Variants in CTNNA2 observed in about 807,000 individuals in gnomAD.
CTNNA2 encodes the protein catenin alpha-2.
Under a neutral mutation model 101.0 loss-of-function variants are expected in CTNNA2, and 42 were observed. The observed-to-expected ratio is 0.42, with a 90% CI of 0.32 to 0.54. The LOEUF (loss-of-function observed/expected upper bound fraction) is 0.54. Among genes scored for constraint, CTNNA2 ranks in the 20% least tolerant of loss-of-function variants. The pLI is 0.14. For missense variants in CTNNA2, 871 were observed against 1,223.1 expected, an observed-to-expected ratio of 0.71 and a Z score of 4.29; for synonymous variants, 450 against 456.4, an observed-to-expected ratio of 0.99 and a Z score of 0.18.
chr2:79,680,010 A>C (rs574877062), intron 2 of CTNNA2, among the ~76,000 whole-genome samples: 1 of 152,234 alleles, frequency 6.6e-6, no homozygotes, highest in East Asian at 1.9e-4. Context: ...GTTTTGCAAC[A>C]AATCGGGAAA....
rs184168683 is a variant in CTNNA2, at chr2:80,228,510, G to A, written c.1057-164701G>A. On this transcript the variant is annotated intron_variant, in intron 7 of 18. Transcript: ENST00000402739. ...TCAACATATGAATCTGATGATGGGG[G>A]TGAGCACAAATATTCAGGCCATAGC... Among the ~76,000 whole-genome samples, 11 of 152,268 alleles carry A rather than the reference G, an allele frequency of 7.2e-5. No homozygotes were observed. The East Asian group carries it at 1.5e-3, about 21-fold the overall frequency.
chr2:79,856,177 A>C lies in CTNNA2; in HGVS notation c.299-1836A>C, dbSNP rs746744136. 1.2e-4 allele frequency among the ~76,000 whole-genome samples: 18 copies of C among 152,240 alleles called. 1 individual carries two copies. The highest frequency in any genetic ancestry group is 2.0e-4 in the Admixed American group (3 of 15,284). ...AAAAGGCTAAGCTGGTTAGCAATAT[A>C]AAATGCTTATTGTAGATGGTAGCCT... On this transcript the variant is annotated intron_variant, in intron 3 of 18. Transcript: ENST00000402739.
intron 2 of CTNNA2, among the ~76,000 whole-genome samples, chr2:79,689,274 C>T (rs1418104349): frequency 6.6e-6 from 1 of 151,876 alleles, no homozygotes; most frequent in African/African-American, 2.4e-5. Context: ...GTCACAGATC[C>T]TGAGCATACA....
At chr2:79,577,093 C>T (rs1675846873) in intron 1 of CTNNA2, among the ~76,000 whole-genome samples, 1 of 151,936 alleles carries the variant, frequency 6.6e-6, no homozygotes, top group Non-Finnish European at 1.5e-5. Context: ...ATGTGAGAAC[C>T]ATAGTTCACT....
chr2:79,781,078 C>T (rs35200654), intron 3 of CTNNA2, among the ~76,000 whole-genome samples: 9,726 of 152,188 alleles, frequency 0.064, 548 homozygotes, highest in South Asian at 0.19. Context: ...AATAAAAGAA[C>T]AGCTACTCCA....
At chr2:80,280,522 A>T (rs547640225) in intron 7 of CTNNA2, among the ~76,000 whole-genome samples, 112 of 151,698 alleles carry the variant, frequency 7.4e-4, no homozygotes, top group Middle Eastern at 3.5e-3. Context: ...CTAACCTTGG[A>T]CCTCATACAA....
chr2:79,285,266 T>C (rs1307362726), intron 2 of CTNNA2, among the ~76,000 whole-genome samples: 1 of 150,696 alleles, frequency 6.6e-6, no homozygotes, highest in African/African-American at 2.4e-5. Flanking sequence ...AGTTCTGCTC[T>C]GATTTTAGTT....
intron 1 of CTNNA2, among the ~76,000 whole-genome samples, chr2:79,589,353 A>G (rs1030123989): frequency 6.6e-6 from 1 of 152,212 alleles, no homozygotes; most frequent in Non-Finnish European, 1.5e-5. Context: ...TTTCTATCGT[A>G]AAAGAAATAA....
At chr2:80,193,284 G>T (rs1420794193) in intron 7 of CTNNA2, among the ~76,000 whole-genome samples, 2 of 152,110 alleles carry the variant, frequency 1.3e-5, no homozygotes, top group Non-Finnish European at 2.9e-5. Context: ...CAAGTGTTTG[G>T]TGTGATTCAT....
At chr2:79,958,723 A>AT (rs1184990727) in intron 7 of CTNNA2, among the ~76,000 whole-genome samples, 3 of 151,960 alleles carry the variant, frequency 2.0e-5, no homozygotes, top group Admixed American at 1.3e-4. Flanking sequence ...ACTTGTGGTA[A>AT]TTTTTTTTAG....
chr2:79,724,680 T>C (rs551111771), intron 2 of CTNNA2, among the ~76,000 whole-genome samples: 148 of 151,512 alleles, frequency 9.8e-4, no homozygotes, highest in African/African-American at 3.5e-3. Context: ...CTGGGTGTGG[T>C]CGTGGGCGCC....
chr2:80,143,621 G>A (rs1311790263), intron 7 of CTNNA2, among the ~76,000 whole-genome samples: 1 of 152,038 alleles, frequency 6.6e-6, no homozygotes, highest in Non-Finnish European at 1.5e-5. Flanking sequence ...ATTTGGAGTA[G>A]AAGATAGATT....
chr2:80,415,942 A>G (rs1366537692), intron 8 of CTNNA2, among the ~76,000 whole-genome samples: 1 of 152,194 alleles, frequency 6.6e-6, no homozygotes, highest in African/African-American at 2.4e-5. Flanking sequence ...CAGACAGAGA[A>G]AGACAAATAC....
At chr2:80,544,590 G>A (rs1312804212) in intron 9 of CTNNA2, among the ~76,000 whole-genome samples, 1 of 152,092 alleles carries the variant, frequency 6.6e-6, no homozygotes, top group African/African-American at 2.4e-5. Flanking sequence ...ATAATTGCCT[G>A]TAGCATTCTT....
intron 7 of CTNNA2, among the ~76,000 whole-genome samples, chr2:80,276,304 C>T (rs1192916300): frequency 6.6e-6 from 1 of 152,118 alleles, no homozygotes; most frequent in Non-Finnish European, 1.5e-5. Context: ...ACTTCAGATG[C>T]CAGACATAAG....
chr2:79,541,208 G>GTA lies in CTNNA2; in HGVS notation c.-6+28015_-6+28016dup, dbSNP rs10541673. Among the ~76,000 whole-genome samples the GTA allele has an allele frequency of 2.5e-3, 380 of 149,090 alleles. 4 individuals are homozygous for GTA. In the South Asian group the frequency reaches 0.044, roughly 17 times the overall value. On this transcript the variant is annotated intron_variant, in intron 1 of 18. Transcript: ENST00000402739. ...ATTACACATATATATGAGTTTGTGTGTATATATATATATATGTACACACAC... is the reference window on the plus strand; with the variant it reads ...ATTACACATATATATGAGTTTGTGTGTATATATATATATATATGTACACACAC...
At chr2:80,415,062 T>A (rs1396724326) in intron 8 of CTNNA2, among the ~76,000 whole-genome samples, 1 of 152,138 alleles carries the variant, frequency 6.6e-6, no homozygotes, top group Admixed American at 6.6e-5. Flanking sequence ...CCAGGTTAAA[T>A]TAGGGCAGGC....
intron 2 of CTNNA2, among the ~76,000 whole-genome samples, chr2:79,251,254 GCT>G (rs1470792088): frequency 6.6e-6 from 1 of 152,126 alleles, no homozygotes; most frequent in Non-Finnish European, 1.5e-5. Flanking sequence ...TCCAGTTTAT[GCT>G]CTGTTACTGA....
intron 7 of CTNNA2, among the ~76,000 whole-genome samples, chr2:80,038,730 C>T (rs1209560115): frequency 6.6e-6 from 1 of 152,148 alleles, no homozygotes; most frequent in Non-Finnish European, 1.5e-5. Context: ...CCTTTAATCC[C>T]AGCTACTGGG....
Sources: gnomAD v4.1 joint callset for allele counts (sites outside exome capture counted in the v4.1 genomes callset) on GRCh38, gnomAD v4.1.1 for gene constraint, MANE v1.5 for transcripts, NCBI Gene and HGNC (gene_info 2026-07-23, HGNC 2026-07-21) for gene names.